The following SUPT3H variants were observed in gnomAD, a reference collection of about 807,000 sequenced individuals.
The protein encoded by SUPT3H is SPT3 homolog, SAGA and STAGA complex component.
A neutral mutation model predicts 44.3 loss-of-function variants in SUPT3H; 44 were observed. That is an observed-to-expected ratio of 0.99 (90% CI 0.78 to 1.28). SUPT3H has a LOEUF of 1.28. SUPT3H is among the 50% of genes most tolerant of loss of function. SUPT3H has a pLI of 0.00. For missense variants in SUPT3H, 380 were observed against 387.1 expected, an observed-to-expected ratio of 0.98 and a Z score of 0.15; for synonymous variants, 124 against 125.6, an observed-to-expected ratio of 0.99 and a Z score of 0.09.
chr6:45,357,448 A>G (rs1379011852), intron 2 of SUPT3H, among the ~76,000 whole-genome samples: 2 of 142,004 alleles, frequency 1.4e-5, no homozygotes. Flanking sequence ...CTCCTGCCTC[A>G]GCCTCCCAAG....
chr6:45,218,525 T>C (rs896597767), intron 2 of SUPT3H, among the ~76,000 whole-genome samples: 17 of 152,066 alleles, frequency 1.1e-4, no homozygotes, highest in African/African-American at 4.1e-4. Flanking sequence ...AAGTCGGGAG[T>C]TCGAGACCAG....
At chr6:45,230,662 C>CTATATATATATATATATATATATATATA (rs66480751) in intron 2 of SUPT3H, among the ~76,000 whole-genome samples, 3 of 68,738 alleles carry the variant, frequency 4.4e-5, no homozygotes, top group African/African-American at 1.6e-4. Flanking sequence ...TTCATTCAGT[C>CTATATATATATATATATATATATATATA]TATATATATA....
At chr6:45,123,226 ATTAGTACATACCACAC>A (rs1207356700) in intron 2 of SUPT3H, among the ~76,000 whole-genome samples, 1 of 152,162 alleles carries the variant, frequency 6.6e-6, no homozygotes, top group East Asian at 1.9e-4. Flanking sequence ...GAACTCCAAA[ATTAGTACATACCACAC>A]TGGTAAATGA....
intron 2 of SUPT3H, among the ~76,000 whole-genome samples, chr6:45,164,888 G>A (rs186327087): frequency 2.8e-4 from 43 of 152,194 alleles, no homozygotes; most frequent in African/African-American, 5.8e-4. Flanking sequence ...AGCCACCAGA[G>A]AAGAAGCATG....
chr6:45,177,635 A>C (rs1183149921), intron 2 of SUPT3H, among the ~76,000 whole-genome samples: 1 of 151,568 alleles, frequency 6.6e-6, no homozygotes, highest in African/African-American at 2.4e-5. Flanking sequence ...ACCAAAGTTG[A>C]AATGAAGGAA....
intron 4 of SUPT3H, among the ~76,000 whole-genome samples, chr6:45,019,511 T>G (rs953739989): frequency 6.6e-6 from 1 of 152,122 alleles, no homozygotes; most frequent in Non-Finnish European, 1.5e-5. Flanking sequence ...TAATGCTGCT[T>G]AATTTTTAAA....
At chr6:44,953,068 G>A (rs960830024) in intron 9 of SUPT3H, among the ~76,000 whole-genome samples, 4 of 152,250 alleles carry the variant, frequency 2.6e-5, no homozygotes, top group East Asian at 1.9e-4. Flanking sequence ...TTTCAATGAA[G>A]GGGTAGGAAA....
intron 2 of SUPT3H, among the ~76,000 whole-genome samples, chr6:45,122,940 C>T (rs1801881632): frequency 1.3e-5 from 2 of 152,112 alleles, no homozygotes; most frequent in Admixed American, 1.3e-4. Flanking sequence ...TGTTTGAGAA[C>T]CTGGGGTAAA....
chr6:44,908,447 G>A (rs1385183502), intron 10 of SUPT3H, among the ~76,000 whole-genome samples: 1 of 152,042 alleles, frequency 6.6e-6, no homozygotes, highest in Non-Finnish European at 1.5e-5. Flanking sequence ...CACCGTGTCT[G>A]GCCAGAAATA....
chr6:44,884,388 G>A (rs1358301299), intron 10 of SUPT3H, among the ~76,000 whole-genome samples: 2 of 152,148 alleles, frequency 1.3e-5, no homozygotes, highest in East Asian at 3.9e-4. Flanking sequence ...AAATAGGAAC[G>A]CTTTTACACC....
At chr6:44,912,923 T>C (rs1002704819) in intron 10 of SUPT3H, among the ~76,000 whole-genome samples, 1 of 152,188 alleles carries the variant, frequency 6.6e-6, no homozygotes, top group Non-Finnish European at 1.5e-5. Flanking sequence ...GCACTGATAA[T>C]ACACTAGGAA....
In SUPT3H at chr6:45,134,381, G is replaced by A. The variant is rs899489875; in HGVS notation, c.102-28375C>T. ...GAAGTCTCTAACACATGAACTTTTA[G>A]GGATACATTCAAATCACAGCATTCT... On this transcript the variant is annotated intron_variant, in intron 2 of 10. Coordinates refer to ENST00000371459, the MANE Select transcript of SUPT3H (RefSeq NM_003599.4). Among the ~76,000 whole-genome samples, 2 of 152,128 alleles carry A rather than the reference G, an allele frequency of 1.3e-5. 1 individual carries two copies. Among genetic ancestry groups the A allele is most frequent in the Non-Finnish European group, 2.9e-5 (2 of 68,022 alleles).
chr6:45,059,323 C>A (rs578095637), intron 3 of SUPT3H, among the ~76,000 whole-genome samples: 1 of 152,174 alleles, frequency 6.6e-6, no homozygotes, highest in African/African-American at 2.4e-5. Context: ...ATAAACAGAA[C>A]TAAAGACAAA....
At chr6:45,314,964 A>G (rs1018811932) in intron 2 of SUPT3H, among the ~76,000 whole-genome samples, 3 of 152,222 alleles carry the variant, frequency 2.0e-5, no homozygotes, top group African/African-American at 7.2e-5. Context: ...AACAGAATAG[A>G]GAACTCAGAA....
intron 2 of SUPT3H, among the ~76,000 whole-genome samples, chr6:45,348,073 C>G (rs1298797920): frequency 6.6e-6 from 1 of 151,992 alleles, no homozygotes; most frequent in East Asian, 1.9e-4. Flanking sequence ...CTCTAAATGG[C>G]CTGCTTATGT....
intron 2 of SUPT3H, among the ~76,000 whole-genome samples, chr6:45,170,779 C>T (rs1217575043): frequency 6.6e-6 from 1 of 152,144 alleles, no homozygotes; most frequent in East Asian, 1.9e-4. Flanking sequence ...CCTAACGTTT[C>T]TCCACAGCTG....
chr6:45,119,720 G>A lies in SUPT3H; in HGVS notation c.102-13714C>T, dbSNP rs146081257. Among the ~76,000 whole-genome samples the A allele has an allele frequency of 2.1e-3, 324 of 152,182 alleles. 1 individual carries two copies. The highest frequency in any genetic ancestry group is 7.5e-3 in the African/African-American group (310 of 41,526). On this transcript the variant is annotated intron_variant, in intron 2 of 10. Coordinates refer to ENST00000371459, the MANE Select transcript of SUPT3H (RefSeq NM_003599.4). ...AGATGCCAGGGCAGAGAATCAAAGGGTGTATTCCTAGAAAACTTAAGATTT... is the reference window on the plus strand; with the variant it reads ...AGATGCCAGGGCAGAGAATCAAAGGATGTATTCCTAGAAAACTTAAGATTT...
chr6:45,054,578 C>CAA (rs1180911790), intron 3 of SUPT3H, among the ~76,000 whole-genome samples: 2 of 151,964 alleles, frequency 1.3e-5, no homozygotes. Flanking sequence ...TCTTTTAATA[C>CAA]AAATATCTCA....
At chr6:45,162,036 A>AAAAAAC (rs1554267961) in intron 2 of SUPT3H, among the ~76,000 whole-genome samples, 1 of 151,652 alleles carries the variant, frequency 6.6e-6, no homozygotes, top group African/African-American at 2.4e-5. Flanking sequence ...CATGTTTAAA[A>AAAAAAC]AAAAACAAAA....
Sources: allele counts gnomAD v4.1 joint callset (sites outside exome capture counted in the v4.1 genomes callset), GRCh38; gene constraint gnomAD v4.1.1; transcripts MANE v1.5; gene names NCBI Gene and HGNC (gene_info 2026-07-23, HGNC 2026-07-21).